The following PDE11A variants were observed in gnomAD, a reference collection of about 807,000 sequenced individuals.
PDE11A encodes dual 3',5'-cyclic-AMP and -GMP phosphodiesterase 11A.
A neutral mutation model predicts 100.5 loss-of-function variants in PDE11A; 100 were observed. The ratio of observed to expected loss-of-function variants is 1.00; its 90% CI spans 0.85 to 1.18. The LOEUF is 1.18. PDE11A is among the 50% of genes most tolerant of loss of function. PDE11A has a pLI of 0.00. For missense variants in PDE11A, 1,141 were observed against 1,152.6 expected, an observed-to-expected ratio of 0.99 and a Z score of 0.15; for synonymous variants, 381 against 420.8, an observed-to-expected ratio of 0.91 and a Z score of 1.16.
At chr2:177,824,520 C>T (rs1379928778) in intron 6 of PDE11A, among the ~76,000 whole-genome samples, 1 of 152,176 alleles carries the variant, frequency 6.6e-6, no homozygotes, top group Non-Finnish European at 1.5e-5. Flanking sequence ...CAGATTTCTA[C>T]AACCTTTCCG....
intron 2 of PDE11A, among the ~76,000 whole-genome samples, chr2:177,919,957 T>C (rs1310507074): frequency 6.6e-6 from 1 of 151,978 alleles, no homozygotes; most frequent in Non-Finnish European, 1.5e-5. Flanking sequence ...CAGAACAAAA[T>C]ACATAAAATA....
intron 6 of PDE11A, among the ~76,000 whole-genome samples, chr2:177,835,176 A>G (rs942652012): frequency 6.6e-6 from 1 of 152,168 alleles, no homozygotes; most frequent in African/African-American, 2.4e-5. Context: ...ACAAGGACAG[A>G]AGAAAGAAAA....
At chr2:178,084,684 C>A (rs1384083032) in intron 2 of PDE11A, among the ~76,000 whole-genome samples, 1 of 150,336 alleles carries the variant, frequency 6.7e-6, no homozygotes, top group Non-Finnish European at 1.5e-5. Flanking sequence ...CTGGGTTCAA[C>A]AGAAAGATTG....
chr2:177,818,311 G>A (rs1395041253), intron 7 of PDE11A, among the ~76,000 whole-genome samples: 3 of 139,794 alleles, frequency 2.1e-5, no homozygotes, highest in Non-Finnish European at 4.8e-5. Flanking sequence ...ATATATGTGT[G>A]TATATATATA....
chr2:177,953,277 G>A (rs1176128149), intron 2 of PDE11A: 1 of 152,030 alleles, frequency 6.6e-6, no homozygotes, highest in Admixed American at 6.6e-5. Context: ...TTCCTGGTGA[G>A]GTTCCTACAA....
chr2:177,787,391 C>G (rs2082553791), intron 9 of PDE11A, among the ~76,000 whole-genome samples: 1 of 151,056 alleles, frequency 6.6e-6, no homozygotes. Flanking sequence ...GAAGGAAGCA[C>G]TAAACATGGA....
At chr2:177,659,713 T>A (rs949613506) in intron 19 of PDE11A, among the ~76,000 whole-genome samples, 1 of 152,236 alleles carries the variant, frequency 6.6e-6, no homozygotes, top group Non-Finnish European at 1.5e-5. Context: ...TGAGGGTTTC[T>A]GTTTATCCCT....
At chr2:177,718,938 G>T (rs2081484229) in intron 12 of PDE11A, among the ~76,000 whole-genome samples, 1 of 152,302 alleles carries the variant, frequency 6.6e-6, no homozygotes. Context: ...CTGGCACTAG[G>T]AACAGGGCAG....
chr2:177,905,426 A>G (rs900059729), intron 2 of PDE11A, among the ~76,000 whole-genome samples: 1 of 152,250 alleles, frequency 6.6e-6, no homozygotes, highest in Non-Finnish European at 1.5e-5. Context: ...ATGAAGACAT[A>G]AAGTGAAGCA....
chr2:178,080,749 G>C (rs59553460), intron 2 of PDE11A, among the ~76,000 whole-genome samples: 1 of 151,950 alleles, frequency 6.6e-6, no homozygotes, highest in African/African-American at 2.4e-5. Flanking sequence ...AGTCTCATCT[G>C]TTATTTATGG....
At chr2:177,798,807 T>C (rs530271817) in intron 9 of PDE11A, among the ~76,000 whole-genome samples, 27 of 152,258 alleles carry the variant, frequency 1.8e-4, no homozygotes, top group African/African-American at 6.0e-4. Flanking sequence ...CTAAATAATA[T>C]ATGTAGATAA....
intron 1 of PDE11A, among the ~76,000 whole-genome samples, chr2:178,015,736 C>T (rs547235807): frequency 2.7e-5 from 4 of 149,622 alleles, no homozygotes; most frequent in Non-Finnish European, 3.0e-5. Flanking sequence ...AAGGAAGGAA[C>T]GAATGGATGG....
chr2:177,727,622 G>A (rs758352490), intron 12 of PDE11A, 36 bp downstream of exon 12: 21 of 1,188,832 alleles, frequency 1.8e-5, no homozygotes, highest in Non-Finnish European at 2.3e-5. Flanking sequence ...TCCTACGAAT[G>A]AGAAATGATC....
chr2:177,987,886 T>C (rs1450804784), intron 2 of PDE11A, among the ~76,000 whole-genome samples: 1 of 152,222 alleles, frequency 6.6e-6, no homozygotes, highest in Non-Finnish European at 1.5e-5. Flanking sequence ...AAGAAGTCTT[T>C]GTAAAGTCTT....
At chr2:177,853,750 A>C (rs1376123011) in intron 5 of PDE11A, among the ~76,000 whole-genome samples, 3 of 27,894 alleles carry the variant, frequency 1.1e-4, no homozygotes, top group Non-Finnish European at 1.9e-4. Context: ...ATGTGTGTAT[A>C]TATATCTATA....
intron 2 of PDE11A, chr2:178,104,239 A>T: frequency 1.4e-6 from 2 of 1,477,978 alleles, no homozygotes; most frequent in Non-Finnish European, 1.9e-6. Context: ...TATAATGCCA[A>T]ATCATATGCT....
intron 2 of PDE11A, among the ~76,000 whole-genome samples, chr2:178,084,653 G>A (rs181241803): frequency 2.7e-4 from 41 of 152,184 alleles, no homozygotes; most frequent in African/African-American, 8.4e-4. Context: ...GGGTTAACAG[G>A]TAAGTCAAAG....
At chr2:177,707,732 C>G (rs1009108554) in intron 13 of PDE11A, among the ~76,000 whole-genome samples, 1 of 152,162 alleles carries the variant, frequency 6.6e-6, no homozygotes, top group African/African-American at 2.4e-5. Flanking sequence ...AAAATCCGAT[C>G]GGTCCAGCTT....
chr2:177,786,328 C>T (rs560087018), intron 9 of PDE11A, among the ~76,000 whole-genome samples: 130 of 152,278 alleles, frequency 8.5e-4, no homozygotes, highest in African/African-American at 3.1e-3. Context: ...GCTGAGGGTC[C>T]TGTCTGTTAG....
Sources: gnomAD v4.1 joint callset for allele counts (sites outside exome capture counted in the v4.1 genomes callset) on GRCh38, gnomAD v4.1.1 for gene constraint, MANE v1.5 for transcripts, NCBI Gene and HGNC (gene_info 2026-07-23, HGNC 2026-07-21) for gene names.